Variants in LRRTM4 observed in about 807,000 individuals in gnomAD.
LRRTM4 encodes leucine-rich repeat transmembrane neuronal protein 4.
In LRRTM4, 25 loss-of-function variants were observed where a neutral mutation model predicts 47.6. The ratio of observed to expected loss-of-function variants is 0.53; its 90% CI spans 0.38 to 0.73. The LOEUF is 0.73. LRRTM4 is among the 30% of genes least tolerant of loss of function. The pLI is 0.00. For missense variants in LRRTM4, 638 were observed against 713.4 expected (o/e 0.89, Z 1.20); for synonymous variants, 311 against 269.5 (o/e 1.15, Z -1.51).
intron 3 of LRRTM4, among the ~76,000 whole-genome samples, chr2:77,123,638 G>GT (rs978710354): frequency 9.2e-5 from 14 of 151,960 alleles, no homozygotes; most frequent in Middle Eastern, 3.4e-3. Flanking sequence ...TAAAAAGGAG[G>GT]TTTTTTCTCT....
chr2:77,356,818 C>T (rs184403190), intron 3 of LRRTM4, among the ~76,000 whole-genome samples: 3 of 152,186 alleles, frequency 2.0e-5, no homozygotes, highest in Admixed American at 1.3e-4. Context: ...TTCAGCGTGT[C>T]GGTTTTCCTA....
intron 3 of LRRTM4, among the ~76,000 whole-genome samples, chr2:77,167,850 A>G (rs990056994): frequency 1.3e-5 from 2 of 152,130 alleles, no homozygotes; most frequent in Non-Finnish European, 2.9e-5. Flanking sequence ...TACCTAATGT[A>G]AATGACAAGT....
intron 3 of LRRTM4, among the ~76,000 whole-genome samples, chr2:76,901,863 G>A (rs995543753): frequency 3.3e-5 from 5 of 152,174 alleles, no homozygotes; most frequent in African/African-American, 1.2e-4. Context: ...TAGGCATACT[G>A]TGTGCATTTG....
At chr2:77,147,125 C>G (rs1173692362) in intron 3 of LRRTM4, among the ~76,000 whole-genome samples, 3 of 152,066 alleles carry the variant, frequency 2.0e-5, no homozygotes, top group African/African-American at 7.2e-5. Context: ...TATTTCTTTT[C>G]CACTAAATCT....
At chr2:76,957,248 G>C (rs1675704561) in intron 3 of LRRTM4, among the ~76,000 whole-genome samples, 1 of 151,530 alleles carries the variant, frequency 6.6e-6, no homozygotes, top group Admixed American at 6.6e-5. Flanking sequence ...TGGTTACCAG[G>C]GTCTGAAACA....
chr2:77,015,050 G>A (rs2104081107), intron 3 of LRRTM4, among the ~76,000 whole-genome samples: 3 of 152,180 alleles, frequency 2.0e-5, no homozygotes, highest in Admixed American at 2.0e-4. Flanking sequence ...GGGGAGAGTA[G>A]CCTGGATAAT....
chr2:77,496,140 T>A (rs1462110914), intron 3 of LRRTM4, among the ~76,000 whole-genome samples: 1 of 151,914 alleles, frequency 6.6e-6, no homozygotes, highest in Admixed American at 6.6e-5. Context: ...TTTTTATGTA[T>A]TTTTGATTGC....
At chr2:77,090,911 C>A (rs1300820969) in intron 3 of LRRTM4, among the ~76,000 whole-genome samples, 1 of 152,108 alleles carries the variant, frequency 6.6e-6, no homozygotes, top group Admixed American at 6.5e-5. Flanking sequence ...GTAACTCTCA[C>A]AGTGGAAGGT....
At chr2:77,395,143 T>C (rs377137622) in intron 3 of LRRTM4, among the ~76,000 whole-genome samples, 3 of 151,918 alleles carry the variant, frequency 2.0e-5, no homozygotes, top group East Asian at 3.9e-4. Context: ...ATCAGTCTTA[T>C]GATCTCTAAT....
chr2:76,803,706 A>G (rs543137818), intron 3 of LRRTM4, among the ~76,000 whole-genome samples: 14 of 152,302 alleles, frequency 9.2e-5, no homozygotes, highest in African/African-American at 3.1e-4. Flanking sequence ...TATCCTCATA[A>G]GATCCTGCCT....
rs1266399253 is a variant in LRRTM4 at position 76,749,466 on chromosome 2, TTTTA to T, written c.1552-554_1552-551del. ...AATCTTTACTATCATCATGTGTAAC[TTTTA>T]TTTAGTTTTAAAAAATAATCACAAT... On this transcript the variant is annotated intron_variant, in intron 3 of 3. Transcript: ENST00000409884. 4.0e-5 allele frequency among the ~76,000 whole-genome samples: 6 copies of T among 151,816 alleles called. No homozygotes were observed. In the East Asian group the frequency reaches 1.2e-3, roughly 29 times the overall value.
chr2:77,404,553 C>T (rs945036019), intron 3 of LRRTM4, among the ~76,000 whole-genome samples: 1 of 151,810 alleles, frequency 6.6e-6, no homozygotes, highest in African/African-American at 2.4e-5. Flanking sequence ...AAAAGAGGCC[C>T]GTAGAAGGAC....
intron 3 of LRRTM4, among the ~76,000 whole-genome samples, chr2:76,885,548 C>T (rs1288793105): frequency 2.0e-5 from 3 of 151,206 alleles, no homozygotes; most frequent in African/African-American, 7.3e-5. Flanking sequence ...CTGCAAGCTC[C>T]GCCTCCCGGG....
In LRRTM4 at chr2:77,141,813, G is replaced by A. The variant is rs562066629; in HGVS notation, c.1551+376505C>T. ...ATATCACCCAATGGTTTATATTATGGCATGACAGCTGTAAGGATATAAGTA... is the reference window on the plus strand; with the variant it reads ...ATATCACCCAATGGTTTATATTATGACATGACAGCTGTAAGGATATAAGTA... On this transcript the variant is annotated intron_variant, in intron 3 of 3. Transcript: ENST00000409884. Among the ~76,000 whole-genome samples the A allele has an allele frequency of 2.1e-3, 320 of 152,078 alleles. 1 individual carries two copies. Among genetic ancestry groups the A allele is most frequent in the African/African-American group, 7.4e-3 (308 of 41,472 alleles).
At chr2:77,251,421 C>T (rs1158186215) in intron 3 of LRRTM4, among the ~76,000 whole-genome samples, 1 of 151,618 alleles carries the variant, frequency 6.6e-6, no homozygotes, top group Non-Finnish European at 1.5e-5. Flanking sequence ...CAAGAAGTCA[C>T]TACATGGGAA....
chr2:76,904,192 A>G (rs1215846644), intron 3 of LRRTM4, among the ~76,000 whole-genome samples: 1 of 152,240 alleles, frequency 6.6e-6, no homozygotes, highest in African/African-American at 2.4e-5. Flanking sequence ...GTTCTGCTCT[A>G]TTACAATTGT....
intron 3 of LRRTM4, among the ~76,000 whole-genome samples, chr2:77,033,117 C>A (rs1678719001): frequency 6.6e-6 from 1 of 151,988 alleles, no homozygotes; most frequent in East Asian, 1.9e-4. Context: ...GAAATAATGT[C>A]TCTTGGGAGG....
chr2:77,346,230 G>A (rs1213636361), intron 3 of LRRTM4, among the ~76,000 whole-genome samples: 2 of 151,958 alleles, frequency 1.3e-5, no homozygotes, highest in Admixed American at 1.3e-4. Flanking sequence ...TAGGCATGGG[G>A]CAGAGTTTAA....
At chr2:77,199,496 C>T (rs948892955) in intron 3 of LRRTM4, among the ~76,000 whole-genome samples, 2 of 151,898 alleles carry the variant, frequency 1.3e-5, no homozygotes, top group African/African-American at 4.8e-5. Flanking sequence ...TGTCATTTTT[C>T]TCTGTTTTGT....
Sources: allele counts gnomAD v4.1 joint callset (sites outside exome capture counted in the v4.1 genomes callset), GRCh38; gene constraint gnomAD v4.1.1; transcripts MANE v1.5; gene names NCBI Gene and HGNC (gene_info 2026-07-23, HGNC 2026-07-21).